VPS13D: variants seen among roughly 807,000 people sequenced by gnomAD.
The protein encoded by VPS13D is intermembrane lipid transfer protein VPS13D.
A neutral mutation model predicts 461.9 loss-of-function variants in VPS13D; 187 were observed. The observed-to-expected ratio is 0.40, with a 90% CI of 0.36 to 0.46. The LOEUF (loss-of-function observed/expected upper bound fraction) is 0.46. VPS13D is among the 20% of genes least tolerant of loss of function. The pLI is 0.60. For missense variants in VPS13D, 4,711 were observed against 5,364.9 expected (o/e 0.88, Z 3.81); for synonymous variants, 1,951 against 1,986.3 (o/e 0.98, Z 0.47).
intron 68 of VPS13D, among the ~76,000 whole-genome samples, chr1:12,504,881 G>A (rs1484032528): frequency 2.6e-5 from 4 of 152,148 alleles, no homozygotes; most frequent in African/African-American, 9.7e-5. Context: ...GCCCGGATGG[G>A]AAGCCCTTGG....
intron 65 of VPS13D, 141 bp from the exon 66 acceptor site, chr1:12,455,857 T>A: frequency 9.6e-7 from 1 of 1,037,006 alleles, no homozygotes; most frequent in African/African-American, 1.6e-5. Flanking sequence ...AGGCGGAGGT[T>A]GTGATGAGAT....
intron 2 of VPS13D, among the ~76,000 whole-genome samples, chr1:12,240,595 C>CAAAA (rs781165302): frequency 1.2e-4 from 5 of 43,046 alleles, no homozygotes; most frequent in African/African-American, 1.6e-4. Context: ...GATTCCATCT[C>CAAAA]AAAAAAAAAA....
At chr1:12,415,929 A>G (rs1305369202) in intron 64 of VPS13D, among the ~76,000 whole-genome samples, 4 of 152,128 alleles carry the variant, frequency 2.6e-5, no homozygotes, top group African/African-American at 9.7e-5. Flanking sequence ...CTGTAATCCG[A>G]GTACTTGGTG....
intron 67 of VPS13D, among the ~76,000 whole-genome samples, chr1:12,472,422 C>CAGG (rs1409565182): frequency 3.9e-5 from 6 of 152,238 alleles, no homozygotes. Context: ...TTTCACCTCA[C>CAGG]TCCAGGCCTA....
rs748676084 is a variant in VPS13D, at chr1:12,497,480, A to T, written c.12663-20A>T. On this transcript the variant is annotated intron_variant, in intron 67 of 69. Transcript: ENST00000620676. ...CCTGCACACTTAACCTCTTGGCTTT[A>T]TGTCCATTTACCCATCTAGGACTCA... 16 of 1,603,124 alleles carry T rather than the reference A, an allele frequency of 1.0e-5. No individual in the cohort carries two copies. The South Asian group carries it at 1.7e-4, about 17-fold the overall frequency.
intron 24 of VPS13D, among the ~76,000 whole-genome samples, chr1:12,297,679 C>T (rs1459062707): frequency 6.6e-6 from 1 of 152,114 alleles, no homozygotes; most frequent in Non-Finnish European, 1.5e-5. Flanking sequence ...CTTATAACAA[C>T]CCTGTTTGTT....
At chr1:12,303,914 G>C (rs1262710990) in intron 25 of VPS13D, among the ~76,000 whole-genome samples, 1 of 152,234 alleles carries the variant, frequency 6.6e-6, no homozygotes, top group Non-Finnish European at 1.5e-5. Flanking sequence ...ATTTTCAATA[G>C]AATTACTGAA....
intron 65 of VPS13D, among the ~76,000 whole-genome samples, chr1:12,424,623 C>CT (rs905002689): frequency 1.3e-5 from 2 of 152,140 alleles, no homozygotes; most frequent in African/African-American, 4.8e-5. Context: ...AGCTTTCCCC[C>CT]TTTTCCACCC....
At chr1:12,405,602 C>T (rs574091759) in intron 63 of VPS13D, among the ~76,000 whole-genome samples, 2 of 152,294 alleles carry the variant, frequency 1.3e-5, no homozygotes, top group African/African-American at 4.8e-5. Flanking sequence ...ACTGCCCTGT[C>T]TGCTTCATTC....
intron 63 of VPS13D, among the ~76,000 whole-genome samples, chr1:12,414,501 A>G (rs1644770512): frequency 7.2e-6 from 1 of 139,076 alleles, no homozygotes; most frequent in Admixed American, 7.0e-5. Context: ...TGTCTATGAG[A>G]AGCCACCTAC....
At chr1:12,250,761 G>T (rs1242258144) in intron 6 of VPS13D, among the ~76,000 whole-genome samples, 1 of 152,266 alleles carries the variant, frequency 6.6e-6, no homozygotes, top group Non-Finnish European at 1.5e-5. Context: ...AACCTGGGTG[G>T]ACCAGCTCTA....
At chr1:12,387,269 A>G (rs1216481929) in intron 60 of VPS13D, among the ~76,000 whole-genome samples, 2 of 152,262 alleles carry the variant, frequency 1.3e-5, no homozygotes, top group Non-Finnish European at 2.9e-5. Flanking sequence ...AAATCATAAA[A>G]GGAAGATCCG....
chr1:12,382,863 A>T (rs987415998), intron 57 of VPS13D, 113 bp from the exon 58 acceptor site: 2 of 963,976 alleles, frequency 2.1e-6, no homozygotes, highest in African/African-American at 1.6e-5. Context: ...CACATTGATC[A>T]TGACCCTCCA....
Position 12,469,699 on chromosome 1 carries a change from C to G in VPS13D, c.12662+9303C>G, listed in dbSNP as rs187301833. Among the ~76,000 whole-genome samples, 8 of 152,354 alleles carry G rather than the reference C, an allele frequency of 5.3e-5. No individual in the cohort carries two copies. In the East Asian group the frequency reaches 1.5e-3, roughly 29 times the overall value. On this transcript the variant is annotated intron_variant, in intron 67 of 69. Coordinates refer to ENST00000620676, the MANE Select transcript of VPS13D (RefSeq NM_015378.4). ...AGTTGTCAGCCCTCCTGGTTTGCTC[C>G]TGACTTTTACTGGGTTTCTAGAAGT...
At chr1:12,390,613 A>G (rs1045488428) in intron 60 of VPS13D, among the ~76,000 whole-genome samples, 1 of 152,220 alleles carries the variant, frequency 6.6e-6, no homozygotes, top group African/African-American at 2.4e-5. Flanking sequence ...ATTCCAGTGA[A>G]GACAAACTCT....
At chr1:12,503,004 A>C (rs1296682468) in intron 68 of VPS13D, among the ~76,000 whole-genome samples, 2 of 152,204 alleles carry the variant, frequency 1.3e-5, no homozygotes, top group Middle Eastern at 3.2e-3. Flanking sequence ...GACTGGCATC[A>C]GGGTGGCTGG....
At chr1:12,416,276 C>T (rs1011524115) in intron 64 of VPS13D, among the ~76,000 whole-genome samples, 2 of 152,200 alleles carry the variant, frequency 1.3e-5, no homozygotes, top group African/African-American at 4.8e-5. Context: ...TGTAAATCTA[C>T]CTCTCTTCCT....
In VPS13D at chr1:12,277,643, C is replaced by G. The variant is rs1474138984; in HGVS notation, c.4055C>G (p.Pro1352Arg). 1 of 1,614,078 alleles carries G rather than the reference C, an allele frequency of 6.2e-7. No homozygotes were observed. The highest frequency in any genetic ancestry group is 1.1e-5 in the South Asian group (1 of 91,078). ...GAAACTCCAAGGAAGACTCGGGAAC[C>G]CTTTATCTTAGAGGAAAATGAAATA... is the stretch of plus-strand genomic sequence containing the variant. ...LFETPRKTRE[P>R]FILEENEIYG... The change falls in exon 19 of 70, where the codon CCC becomes CGC. Residue 1352 changes from proline to arginine, a missense_variant. Around this residue, in one of 3 missense-constraint regions of VPS13D, gnomAD observed 4,411 missense variants for 4,937.8 expected, o/e 0.89. Coordinates refer to ENST00000620676, the MANE Select transcript of VPS13D (RefSeq NM_015378.4).
chr1:12,266,726 C>T (rs1346963235), intron 13 of VPS13D, among the ~76,000 whole-genome samples, 155 bp from the exon 14 acceptor site: 1 of 152,112 alleles, frequency 6.6e-6, no homozygotes, highest in Non-Finnish European at 1.5e-5. Context: ...CAATATGTGC[C>T]TGTAGATAGA....
Sources: gnomAD v4.1 joint callset for allele counts (sites outside exome capture counted in the v4.1 genomes callset) on GRCh38, gnomAD v4.1.1 for gene constraint, gnomAD v4.1.1 regional missense constraint, MANE v1.5 for transcripts, NCBI Gene and HGNC (gene_info 2026-07-23, HGNC 2026-07-21) for gene names.